Variants in CNTNAP2 observed in about 807,000 individuals in gnomAD.
The protein encoded by CNTNAP2 is contactin associated protein 2.
A neutral mutation model predicts 155.2 loss-of-function variants in CNTNAP2; 98 were observed. The ratio of observed to expected loss-of-function variants is 0.63; its 90% confidence interval spans 0.54 to 0.75. The LOEUF (loss-of-function observed/expected upper bound fraction) is 0.75, where lower values mean the gene tolerates loss of function less well. Ranked by LOEUF, CNTNAP2 falls within the 30% of genes least tolerant of loss-of-function variation. CNTNAP2 has a pLI of 0.00. For synonymous variants in CNTNAP2, 651 were observed against 631.2 expected (o/e 1.03, Z -0.47); for missense variants, 1,727 against 1,688.1 (o/e 1.02, Z -0.40).
At chr7:147,189,332 A>C (rs1383148163) in intron 8 of CNTNAP2, among the ~76,000 whole-genome samples, 1 of 152,194 alleles carries the variant, frequency 6.6e-6, no homozygotes, top group Admixed American at 6.5e-5. Context: ...AAGGCAAATA[A>C]CATTACAAAT....
intron 1 of CNTNAP2, among the ~76,000 whole-genome samples, chr7:146,607,356 G>A (rs1229279242): frequency 1.3e-5 from 2 of 152,168 alleles, no homozygotes; most frequent in East Asian, 3.9e-4. Context: ...CCCAGCCCTT[G>A]CTCCTCTACC....
intron 11 of CNTNAP2, among the ~76,000 whole-genome samples, chr7:147,550,156 C>T (rs146945080): frequency 3.9e-4 from 59 of 152,188 alleles, no homozygotes; most frequent in Middle Eastern, 3.4e-3. Context: ...TTGAAATTCC[C>T]GGTGGAAAAA....
chr7:147,889,865 C>T (rs556235692), intron 13 of CNTNAP2, among the ~76,000 whole-genome samples: 6 of 152,132 alleles, frequency 3.9e-5, no homozygotes, highest in African/African-American at 1.4e-4. Flanking sequence ...TCAATGCACA[C>T]ATAGTACTAT....
At chr7:147,333,263 C>A (rs187852593) in intron 9 of CNTNAP2, among the ~76,000 whole-genome samples, 48 of 152,192 alleles carry the variant, frequency 3.2e-4, no homozygotes, top group Admixed American at 2.7e-3. Context: ...TGATAAAAGG[C>A]AAAACTTGAT....
At chr7:146,250,295 A>G (rs934465777) in intron 1 of CNTNAP2, among the ~76,000 whole-genome samples, 16 of 152,338 alleles carry the variant, frequency 1.1e-4, no homozygotes, top group Admixed American at 5.9e-4. Flanking sequence ...AATTACTAAT[A>G]CTGAAGCATT....
intron 9 of CNTNAP2, among the ~76,000 whole-genome samples, chr7:147,375,102 G>T (rs552075901): frequency 6.6e-6 from 1 of 151,962 alleles, no homozygotes; most frequent in African/African-American, 2.4e-5. Context: ...AGACGTGTCT[G>T]CTTCCCCTTC....
chr7:146,971,619 G>C (rs1797800182), intron 3 of CNTNAP2, among the ~76,000 whole-genome samples: 1 of 152,080 alleles, frequency 6.6e-6, no homozygotes, highest in African/African-American at 2.4e-5. Context: ...GCTTTTCTAG[G>C]GAGGGTCCTC....
chr7:147,733,675 T>G (rs1466543135), intron 13 of CNTNAP2, among the ~76,000 whole-genome samples: 8 of 152,228 alleles, frequency 5.3e-5, no homozygotes, highest in Non-Finnish European at 1.0e-4. Flanking sequence ...TCCATTTGTT[T>G]GTATCCTCTT....
chr7:146,642,015 T>C (rs1175191758), intron 1 of CNTNAP2, among the ~76,000 whole-genome samples: 1 of 152,134 alleles, frequency 6.6e-6, no homozygotes, highest in Non-Finnish European at 1.5e-5. Flanking sequence ...GACCTTAAAT[T>C]ATGTATAATT....
intron 8 of CNTNAP2, among the ~76,000 whole-genome samples, chr7:147,282,799 T>C (rs912979811): frequency 5.9e-4 from 90 of 152,014 alleles, no homozygotes; most frequent in African/African-American, 2.1e-3. Flanking sequence ...TCTCACTCTG[T>C]TGTCCAAGCT....
chr7:148,266,986 A>G lies in CNTNAP2; in HGVS notation c.3382-47A>G, dbSNP rs199939057. 1.1e-4 allele frequency: 176 copies of G among 1,559,772 alleles called. No individual in the cohort carries two copies. In the Admixed American group the frequency reaches 2.9e-3, roughly 26 times the overall value. On this transcript the variant is annotated intron_variant, in intron 20 of 23. Transcript: ENST00000361727. ...CCACAGGGAAGATTTGGTTCCACAC[A>G]GGGTAGAGACGTGCTTCTAAAAGTG...
chr7:146,788,412 G>A (rs1466854010), intron 2 of CNTNAP2, among the ~76,000 whole-genome samples: 1 of 152,226 alleles, frequency 6.6e-6, no homozygotes, highest in African/African-American at 2.4e-5. Flanking sequence ...ATTATGGTAA[G>A]GTCATATGTT....
At chr7:148,259,376 C>T (rs1330259808) in intron 20 of CNTNAP2, among the ~76,000 whole-genome samples, 1 of 150,926 alleles carries the variant, frequency 6.6e-6, no homozygotes, top group Non-Finnish European at 1.5e-5. Flanking sequence ...AAAAGAAACT[C>T]CTTAGTCATA....
At chr7:147,698,650 C>T (rs548185942) in intron 13 of CNTNAP2, among the ~76,000 whole-genome samples, 3 of 152,088 alleles carry the variant, frequency 2.0e-5, no homozygotes, top group South Asian at 2.1e-4. Context: ...CTGTCCTGAA[C>T]CCCAGGCTCA....
chr7:146,486,667 G>C (rs1433978514), intron 1 of CNTNAP2, among the ~76,000 whole-genome samples: 1 of 152,066 alleles, frequency 6.6e-6, no homozygotes, highest in Non-Finnish European at 1.5e-5. Flanking sequence ...GTCTGTTTTC[G>C]GAACTTTACG....
intron 13 of CNTNAP2, among the ~76,000 whole-genome samples, chr7:147,880,528 G>A (rs1799501689): frequency 1.3e-5 from 2 of 151,648 alleles, no homozygotes; most frequent in South Asian, 2.1e-4. Context: ...ATATGGATGA[G>A]ACAGCACAGA....
chr7:148,035,006 T>C (rs1036158417), intron 15 of CNTNAP2, among the ~76,000 whole-genome samples: 3 of 152,312 alleles, frequency 2.0e-5, no homozygotes, highest in African/African-American at 7.2e-5. Flanking sequence ...AAGGCAGAAT[T>C]TAAGAGTAAT....
rs1186049223 is a variant in CNTNAP2 at position 147,773,866 on chromosome 7, G to C, written c.2099-129699G>C. Among the ~76,000 whole-genome samples the C allele has an allele frequency of 2.0e-5, 3 of 152,032 alleles. No individual in the cohort carries two copies. In the East Asian group the frequency reaches 5.8e-4, roughly 29 times the overall value. On this transcript the variant is annotated intron_variant, in intron 13 of 23. Transcript: ENST00000361727. Reference sequence around the variant, plus strand: ...AAAAATTTTTTTTAATAATCAACCAGAACCTAAATGACTTGATTCTCACTA... The same window carrying C: ...AAAAATTTTTTTTAATAATCAACCACAACCTAAATGACTTGATTCTCACTA...
intron 9 of CNTNAP2, among the ~76,000 whole-genome samples, chr7:147,348,447 G>A (rs576967709): frequency 9.9e-5 from 15 of 151,582 alleles, no homozygotes; most frequent in African/African-American, 3.6e-4. Flanking sequence ...ATCACAATAA[G>A]TTATCGCACC....
Sources: gnomAD v4.1 joint callset for allele counts (sites outside exome capture counted in the v4.1 genomes callset) on GRCh38, gnomAD v4.1.1 for gene constraint, MANE v1.5 for transcripts, NCBI Gene and HGNC (gene_info 2026-07-23, HGNC 2026-07-21) for gene names.